The following FSTL4 variants were observed in gnomAD, a reference collection of about 807,000 sequenced individuals.
FSTL4 encodes the protein follistatin like 4.
In FSTL4, 28 loss-of-function variants were observed where a neutral mutation model predicts 78.2. The ratio of observed to expected loss-of-function variants is 0.36; its 90% CI spans 0.27 to 0.49. The LOEUF (loss-of-function observed/expected upper bound fraction) is 0.49. Ranked by LOEUF, FSTL4 falls within the 20% of genes least tolerant of loss-of-function variation. FSTL4 has a pLI of 0.98. For missense variants in FSTL4, 922 were observed against 1,084.9 expected (o/e 0.85, Z 2.11); for synonymous variants, 422 against 440.5 (o/e 0.96, Z 0.53).
chr5:133,448,468 G>C (rs544521099), intron 3 of FSTL4, among the ~76,000 whole-genome samples: 1 of 152,182 alleles, frequency 6.6e-6, no homozygotes, highest in African/African-American at 2.4e-5. Context: ...TTTTCAATGC[G>C]TTCCCTCAGA....
chr5:133,665,690 T>C, the FSTL4 span, among the ~76,000 whole-genome samples: 44,640 of 152,098 alleles, frequency 0.29, 7,185 homozygotes, highest in Middle Eastern at 0.5. Context: ...AGAAAGCCTA[T>C]TCTAGAAGCA....
chr5:133,439,740 T>C (rs190370849), intron 3 of FSTL4, among the ~76,000 whole-genome samples: 1 of 152,302 alleles, frequency 6.6e-6, no homozygotes, highest in East Asian at 1.9e-4. Context: ...TGGCTGTGCC[T>C]GACAGCGTGC....
intron 6 of FSTL4, among the ~76,000 whole-genome samples, chr5:133,284,917 G>C (rs1484525120): frequency 6.6e-6 from 1 of 152,210 alleles, no homozygotes; most frequent in Non-Finnish European, 1.5e-5. Flanking sequence ...GGGTGTCAGG[G>C]TGCTGTGAAA....
chr5:133,247,322 G>C (rs933698619), intron 7 of FSTL4: 3 of 152,220 alleles, frequency 2.0e-5, no homozygotes, highest in African/African-American at 7.2e-5. Flanking sequence ...TTGAGTTGGT[G>C]CTGGAGGCAT....
chr5:133,790,071 C>T, the FSTL4 span, among the ~76,000 whole-genome samples: 1,552 of 152,268 alleles, frequency 0.01, 35 homozygotes, highest in African/African-American at 0.036. Context: ...CTCTGGTCTC[C>T]GCCTCTCCCT....
At chr5:133,679,338 C>G in the FSTL4 span, among the ~76,000 whole-genome samples, 1 of 152,138 alleles carries the variant, frequency 6.6e-6, no homozygotes, top group African/African-American at 2.4e-5. Flanking sequence ...ATTTAGGGAC[C>G]AGCCAAGTTC....
At chr5:133,531,384 A>G (rs1441878865) in intron 3 of FSTL4, among the ~76,000 whole-genome samples, 3 of 152,008 alleles carry the variant, frequency 2.0e-5, no homozygotes, top group Non-Finnish European at 4.4e-5. Context: ...CCACATCATG[A>G]GTTTCAGGAT....
At chr5:133,707,893 C>T in the FSTL4 span, among the ~76,000 whole-genome samples, 1 of 151,962 alleles carries the variant, frequency 6.6e-6, no homozygotes, top group African/African-American at 2.4e-5. Context: ...GCTTGAGGCC[C>T]GGGCACTGGG....
chr5:133,215,138 C>T (rs6871976), intron 13 of FSTL4, among the ~76,000 whole-genome samples: 68,952 of 152,064 alleles, frequency 0.45, 18,509 homozygotes, highest in African/African-American at 0.75. Context: ...CATCACAGCA[C>T]AACTCCCTTG....
At chr5:133,569,234 C>A (rs186970456) in intron 2 of FSTL4, among the ~76,000 whole-genome samples, 79 of 152,250 alleles carry the variant, frequency 5.2e-4, no homozygotes, top group African/African-American at 1.9e-3. Context: ...TCTCTTCTTT[C>A]CAATTCCTAT....
the FSTL4 span, among the ~76,000 whole-genome samples, chr5:133,819,257 C>A: frequency 6.4e-4 from 98 of 152,000 alleles, no homozygotes; most frequent in Admixed American, 4.2e-3. Flanking sequence ...TCTCTCCCAG[C>A]CTGGGCAAGG....
At chr5:133,533,209 A>T (rs1032438605) in intron 3 of FSTL4, among the ~76,000 whole-genome samples, 25 of 152,174 alleles carry the variant, frequency 1.6e-4, no homozygotes, top group African/African-American at 6.0e-4. Context: ...GACTTCCAGA[A>T]GTGAGATAAT....
intron 4 of FSTL4, among the ~76,000 whole-genome samples, chr5:133,346,048 A>T (rs558054301): frequency 1.3e-4 from 20 of 152,354 alleles, no homozygotes; most frequent in African/African-American, 4.8e-4. Flanking sequence ...CACAACATGA[A>T]ATACTATGCA....
the FSTL4 span, among the ~76,000 whole-genome samples, chr5:133,837,032 G>T: frequency 0.13 from 19,048 of 151,894 alleles, 1,327 homozygotes; most frequent in African/African-American, 0.15. Flanking sequence ...TTTCAAATAT[G>T]GCTTCTACCC....
At chr5:133,337,940 G>C (rs1185122966) in intron 4 of FSTL4, among the ~76,000 whole-genome samples, 1 of 152,176 alleles carries the variant, frequency 6.6e-6, no homozygotes, top group Non-Finnish European at 1.5e-5. Context: ...TGTGAAGACA[G>C]TCATGGTTCT....
chr5:133,525,375 C>T (rs1017521258), intron 3 of FSTL4, among the ~76,000 whole-genome samples: 24 of 152,294 alleles, frequency 1.6e-4, no homozygotes, highest in African/African-American at 5.1e-4. Flanking sequence ...TCAAAGGCAG[C>T]TTCTTTGTTT....
In FSTL4 at chr5:133,410,406, G is replaced by A. The variant is rs148683964; in HGVS notation, c.161-9420C>T. Among the ~76,000 whole-genome samples, 324 of 152,246 alleles carry A rather than the reference G, an allele frequency of 2.1e-3. 1 individual carries two copies. The highest frequency in any genetic ancestry group is 8.1e-3 in the East Asian group (42 of 5,174). On this transcript the variant is annotated intron_variant, in intron 3 of 15. Transcript: ENST00000265342. ...GGGACCAGATGTTGCTGCTCTCCACGGTCTGCACCGTCTCGCTGATGCGCC... is the reference window on the plus strand; with the variant it reads ...GGGACCAGATGTTGCTGCTCTCCACAGTCTGCACCGTCTCGCTGATGCGCC...
chr5:133,300,369 A>T (rs1194803014), intron 6 of FSTL4, among the ~76,000 whole-genome samples: 2 of 151,940 alleles, frequency 1.3e-5, no homozygotes, highest in East Asian at 1.9e-4. Context: ...GAGTTATTTA[A>T]CCTGTAGTAC....
At chr5:133,557,010 C>T (rs1306135937) in intron 3 of FSTL4, among the ~76,000 whole-genome samples, 1 of 152,196 alleles carries the variant, frequency 6.6e-6, no homozygotes, top group East Asian at 1.9e-4. Flanking sequence ...TGGGGTAAAA[C>T]CCCTCTCAAG....
Sources: allele counts gnomAD v4.1 joint callset (sites outside exome capture counted in the v4.1 genomes callset), GRCh38; gene constraint gnomAD v4.1.1; transcripts MANE v1.5; gene names NCBI Gene and HGNC (gene_info 2026-07-23, HGNC 2026-07-21).